The following ARHGAP10 variants were observed in gnomAD, a reference collection of about 807,000 sequenced individuals.
The protein encoded by ARHGAP10 is Rho GTPase activating protein 10, also known as rho GTPase-activating protein 10.
In ARHGAP10, 87 loss-of-function variants were observed where a neutral mutation model predicts 108.6. The ratio of observed to expected loss-of-function variants is 0.80; its 90% CI spans 0.67 to 0.96. The LOEUF (loss-of-function observed/expected upper bound fraction) is 0.96, where lower values mean the gene tolerates loss of function less well. Ranked by LOEUF, ARHGAP10 falls within the 40% of genes least tolerant of loss-of-function variation. The pLI is 0.00. For synonymous variants in ARHGAP10, 347 were observed against 341.1 expected (o/e 1.02, Z -0.19); for missense variants, 939 against 954.5 (o/e 0.98, Z 0.21).
chr4:147,752,400 G>A (rs1413981496), intron 1 of ARHGAP10, among the ~76,000 whole-genome samples: 1 of 152,124 alleles, frequency 6.6e-6, no homozygotes, highest in Non-Finnish European at 1.5e-5. Flanking sequence ...TGGAATAGTG[G>A]CTGTGCTATT....
intron 10 of ARHGAP10, among the ~76,000 whole-genome samples, chr4:147,888,764 T>A (rs112527094): frequency 0.016 from 2,388 of 152,302 alleles, 56 homozygotes; most frequent in African/African-American, 0.052. Context: ...CCTGCCATTT[T>A]CCACCGTCTG....
intron 1 of ARHGAP10, among the ~76,000 whole-genome samples, chr4:147,758,423 A>G (rs1240229049): frequency 6.6e-6 from 1 of 152,244 alleles, no homozygotes; most frequent in African/African-American, 2.4e-5. Flanking sequence ...CTTTTAGTGT[A>G]GTCACAGATT....
intron 5 of ARHGAP10, among the ~76,000 whole-genome samples, chr4:147,860,421 G>A (rs1349526175): frequency 6.6e-6 from 1 of 151,952 alleles, no homozygotes; most frequent in African/African-American, 2.4e-5. Context: ...CAGCCTGGGC[G>A]ACAGCTCCGT....
At chr4:147,870,006 G>C (rs56178834) in intron 7 of ARHGAP10, among the ~76,000 whole-genome samples, 70,765 of 132,036 alleles carry the variant, frequency 0.54, 21,154 homozygotes, top group Non-Finnish European at 0.67. Context: ...GTTTGTGTGT[G>C]TGTGTGTGTG....
chr4:147,837,315 C>G (rs1209403272), intron 3 of ARHGAP10, among the ~76,000 whole-genome samples: 3 of 152,128 alleles, frequency 2.0e-5, no homozygotes, highest in African/African-American at 7.2e-5. Context: ...AGCATTTTGT[C>G]AAGATTGTTT....
intron 16 of ARHGAP10, among the ~76,000 whole-genome samples, chr4:147,962,618 G>T (rs1739043295): frequency 6.6e-6 from 1 of 151,974 alleles, no homozygotes; most frequent in African/African-American, 2.4e-5. Context: ...TAAATCATAG[G>T]GCATCTATAT....
At chr4:147,776,115 T>G (rs11730036) in intron 1 of ARHGAP10, among the ~76,000 whole-genome samples, 113,769 of 151,914 alleles carry the variant, frequency 0.75, 48,599 homozygotes, top group Non-Finnish European at 0.94. Flanking sequence ...TATGGCCTCC[T>G]CGTAATCATT....
chr4:148,066,917 A>G (rs1729905940), intron 22 of ARHGAP10, among the ~76,000 whole-genome samples: 1 of 152,216 alleles, frequency 6.6e-6, no homozygotes, highest in Admixed American at 6.5e-5. Flanking sequence ...GTAGTGTGCC[A>G]TAGACGAGGC....
chr4:147,844,830 C>T (rs191397807), intron 3 of ARHGAP10, among the ~76,000 whole-genome samples: 32 of 152,280 alleles, frequency 2.1e-4, no homozygotes, highest in Admixed American at 3.3e-4. Context: ...GTCTGTCTTC[C>T]GGTTTTCTGT....
rs1028858936 is a variant in ARHGAP10, at chr4:147,987,370, G to A, written c.1716+20531G>A. On this transcript the variant is annotated intron_variant, in intron 18 of 22. Transcript: ENST00000336498. ...ATTTCCTTCCCCTTCTAGATCGGCA[G>A]GATTGGGAGAAGGGTATTTTTCTAG... Among the ~76,000 whole-genome samples the A allele has an allele frequency of 3.3e-5, 5 of 152,306 alleles. No homozygotes were observed. In the South Asian group the frequency reaches 1.0e-3, roughly 32 times the overall value.
chr4:147,984,813 C>G (rs2149630392), intron 18 of ARHGAP10, among the ~76,000 whole-genome samples: 1 of 152,324 alleles, frequency 6.6e-6, no homozygotes, highest in South Asian at 2.1e-4. Context: ...TCCTTGTTTA[C>G]TGGGGAAACT....
chr4:147,856,260 A>T (rs924579859), intron 4 of ARHGAP10, among the ~76,000 whole-genome samples: 3 of 152,242 alleles, frequency 2.0e-5, no homozygotes, highest in African/African-American at 7.2e-5. Context: ...CTAATTCTAG[A>T]CAGTACCTAA....
At chr4:148,007,657 A>C (rs921324196) in intron 18 of ARHGAP10, among the ~76,000 whole-genome samples, 1 of 152,216 alleles carries the variant, frequency 6.6e-6, no homozygotes, top group African/African-American at 2.4e-5. Context: ...TAAACTGCTC[A>C]AGCATTGTGT....
chr4:147,814,648 C>T (rs1392343968), intron 1 of ARHGAP10, among the ~76,000 whole-genome samples: 2 of 152,110 alleles, frequency 1.3e-5, no homozygotes, highest in African/African-American at 4.8e-5. Flanking sequence ...ACTATATTTG[C>T]TACCAAAATG....
At chr4:147,983,264 C>A (rs1739900969) in intron 18 of ARHGAP10, among the ~76,000 whole-genome samples, 2 of 150,442 alleles carry the variant, frequency 1.3e-5, no homozygotes, top group Non-Finnish European at 3.0e-5. Flanking sequence ...CGGCTCACTG[C>A]AACCTCCACC....
intron 20 of ARHGAP10, among the ~76,000 whole-genome samples, chr4:148,058,749 A>G (rs770740053): frequency 6.6e-6 from 1 of 152,248 alleles, no homozygotes; most frequent in Non-Finnish European, 1.5e-5. Flanking sequence ...TACACTTTGT[A>G]AAGTAACCAC....
In ARHGAP10 at chr4:148,046,929, C is replaced by T. The variant is rs139083187; in HGVS notation, c.1905C>T (p.Thr635=). Residue 635 remains threonine (T), a synonymous_variant, in exon 20 of 23, where the codon ACC becomes ACT. Transcript: ENST00000336498. The part of the protein sequence containing the change: ...NPYPSKEDTP[T]SSLDSLSSPS... ...ACCCTTCCAAGGAGGACACCCCTACCAGCAGTCTGGACTCACTTTCCTCCC... is the reference window on the plus strand; with the variant it reads ...ACCCTTCCAAGGAGGACACCCCTACTAGCAGTCTGGACTCACTTTCCTCCC... 2.8e-4 allele frequency: 456 copies of T among 1,614,088 alleles called. 1 individual carries two copies. The South Asian group carries it at 4.7e-3, about 17-fold the overall frequency.
intron 13 of ARHGAP10, among the ~76,000 whole-genome samples, chr4:147,934,498 C>T (rs72959736): frequency 2.6e-4 from 39 of 152,296 alleles, no homozygotes; most frequent in South Asian, 1.2e-3. Context: ...TATCCGTTAA[C>T]GCTTTTGATT....
At chr4:147,820,563 G>C (rs1022735905) in intron 1 of ARHGAP10, among the ~76,000 whole-genome samples, 1 of 147,340 alleles carries the variant, frequency 6.8e-6, no homozygotes, top group Non-Finnish European at 1.5e-5. Flanking sequence ...TGTTACAGGC[G>C]TGGGCTACCT....
Sources: allele counts gnomAD v4.1 joint callset (sites outside exome capture counted in the v4.1 genomes callset), GRCh38; gene constraint gnomAD v4.1.1; transcripts MANE v1.5; gene names NCBI Gene and HGNC (gene_info 2026-07-23, HGNC 2026-07-21).